Variants in ZMAT3 observed in about 807,000 individuals in gnomAD.
ZMAT3 encodes the protein zinc finger matrin-type 3, also known as zinc finger matrin-type protein 3.
ZMAT3 carries 17 observed loss-of-function variants against 32.3 expected under a neutral mutation model. The ratio of observed to expected loss-of-function variants is 0.53; its 90% CI spans 0.36 to 0.79. ZMAT3 has a LOEUF of 0.79. ZMAT3 is among the 30% of genes least tolerant of loss of function. The pLI is 0.00. For synonymous variants in ZMAT3, 120 were observed against 133.1 expected (o/e 0.90, Z 0.68); for missense variants, 329 against 359.7 (o/e 0.91, Z 0.69).
rs886659882 is a variant in ZMAT3 at position 179,024,413 on chromosome 3, T to G, written c.*604A>C. Reference sequence around the variant, plus strand: ...AATCTCTGCTGACCTATTTTTACTTTGATCTAAAAAGAATTCAATACAATT... The same window carrying G: ...AATCTCTGCTGACCTATTTTTACTTGGATCTAAAAAGAATTCAATACAATT... On this transcript the variant is annotated 3_prime_UTR_variant, in exon 6 of 6. Coordinates refer to ENST00000311417, the MANE Select transcript of ZMAT3 (RefSeq NM_022470.4). 1 of 152,268 alleles carries G rather than the reference T, an allele frequency of 6.6e-6. No homozygotes were observed. The highest frequency in any genetic ancestry group is 6.5e-5 in the Admixed American group (1 of 15,308). The allele number at this position is 152,268 out of a possible 1,614,324, so 9.4% of individuals were successfully genotyped here. A position where few individuals can be genotyped will look rare whatever the true frequency, so the allele number is the denominator to read the frequency against.
At position 179,023,726 on chromosome 3, in the gene ZMAT3, T is replaced by A. The variant is rs1487927851; in HGVS notation, c.*1291A>T. On this transcript the variant is annotated 3_prime_UTR_variant, in exon 6 of 6. Transcript: ENST00000311417. ...TATATATATATTTTTTTTTTTTTTT[T>A]TTTTTTTTTTTTGAGACGGAGTCTC... is the stretch of plus-strand genomic sequence containing the variant. 5 of 26,810 alleles carry A rather than the reference T, an allele frequency of 1.9e-4. 1 individual carries two copies. 1.7% of individuals were successfully genotyped at this position (26,810 alleles called of 1,614,324 possible).
chr3:179,039,857 AGAATAAACACT>A (rs1405303903), intron 2 of ZMAT3, among the ~76,000 whole-genome samples: 1 of 152,220 alleles, frequency 6.6e-6, no homozygotes, highest in Non-Finnish European at 1.5e-5. Flanking sequence ...ATGGCTAACT[AGAATAAACACT>A]GTAGAGAAGA....
chr3:179,048,588 T>G (rs1319104554), intron 2 of ZMAT3, among the ~76,000 whole-genome samples: 1 of 152,222 alleles, frequency 6.6e-6, no homozygotes, highest in Non-Finnish European at 1.5e-5. Flanking sequence ...GGAAAGATAC[T>G]GTCTTTGTCA....
intron 2 of ZMAT3, among the ~76,000 whole-genome samples, chr3:179,060,602 C>T (rs1721105987): frequency 6.6e-6 from 1 of 152,088 alleles, no homozygotes; most frequent in African/African-American, 2.4e-5. Context: ...TGAGACTACA[C>T]CACTGCCCTC....
At chr3:179,069,682 T>C (rs1222875555) in intron 1 of ZMAT3, among the ~76,000 whole-genome samples, 1 of 152,062 alleles carries the variant, frequency 6.6e-6, no homozygotes, top group African/African-American at 2.4e-5. Flanking sequence ...CAGACGAAAT[T>C]TGGGGTGGGG....
intron 2 of ZMAT3, among the ~76,000 whole-genome samples, chr3:179,057,678 T>C (rs1720918846): frequency 6.6e-6 from 1 of 152,218 alleles, no homozygotes; most frequent in South Asian, 2.1e-4. Flanking sequence ...GCAGGTTAAA[T>C]ACTTACGGCT....
At chr3:179,069,950 G>A (rs1721625465) in intron 1 of ZMAT3, among the ~76,000 whole-genome samples, 1 of 152,170 alleles carries the variant, frequency 6.6e-6, no homozygotes, top group South Asian at 2.1e-4. Context: ...AGCAAAGATA[G>A]TCCAGAAAGC....
chr3:179,055,860 T>G (rs550960460), intron 2 of ZMAT3, among the ~76,000 whole-genome samples: 1 of 152,266 alleles, frequency 6.6e-6, no homozygotes, highest in South Asian at 2.1e-4. Context: ...GGTATCTCAG[T>G]CAGGTCAACA....
chr3:179,042,009 C>T (rs915441962), intron 2 of ZMAT3, among the ~76,000 whole-genome samples: 1 of 152,184 alleles, frequency 6.6e-6, no homozygotes, highest in Non-Finnish European at 1.5e-5. Context: ...CTCCTGGGCA[C>T]ATACACCCTC....
intron 2 of ZMAT3, among the ~76,000 whole-genome samples, chr3:179,061,886 T>C (rs1179733669): frequency 6.6e-6 from 1 of 152,054 alleles, no homozygotes; most frequent in Non-Finnish European, 1.5e-5. Flanking sequence ...AAATAGAGCA[T>C]GGAAAACTTA....
chr3:179,033,988 C>T (rs1719443222), intron 2 of ZMAT3, among the ~76,000 whole-genome samples: 2 of 152,212 alleles, frequency 1.3e-5, no homozygotes, highest in African/African-American at 2.4e-5. Flanking sequence ...CCTCTACTAA[C>T]ATCAACTTGC....
At chr3:179,066,339 A>G (rs796640491) in intron 2 of ZMAT3, among the ~76,000 whole-genome samples, 50 of 152,332 alleles carry the variant, frequency 3.3e-4, no homozygotes, top group African/African-American at 1.2e-3. Flanking sequence ...AAACAAAACC[A>G]CATAATGGGA....
At position 179,023,696 on chromosome 3, in the gene ZMAT3, C is replaced by CTATATATATATATATA. The variant is rs1177829489; in HGVS notation, c.*1320_*1321insTATATATATATATATA. ...TCCTAAAAACTGCTGGAAAATATAT[C>CTATATATATATATATA]TATATATATATATATTTTTTTTTTT... On this transcript the variant is annotated 3_prime_UTR_variant, in exon 6 of 6. Coordinates refer to ENST00000311417, the MANE Select transcript of ZMAT3 (RefSeq NM_022470.4). 2 of 27,384 alleles carry CTATATATATATATATA rather than the reference C, an allele frequency of 7.3e-5. No individual in the cohort carries two copies. Among genetic ancestry groups the CTATATATATATATATA allele is most frequent in the African/African-American group, 3.3e-4 (2 of 5,978 alleles). The allele number at this position is 27,384 out of a possible 1,614,324, so 1.7% of individuals were successfully genotyped here. A position where few individuals can be genotyped will look rare whatever the true frequency, so the allele number is the denominator to read the frequency against.
At position 179,046,700 on chromosome 3, in the gene ZMAT3, T is replaced by C. The variant is rs1398363221; in HGVS notation, c.271-15701A>G. Among the ~76,000 whole-genome samples the C allele has an allele frequency of 6.6e-6, 1 of 152,174 alleles. No homozygotes were observed. Among genetic ancestry groups the C allele is most frequent in the Non-Finnish European group, 1.5e-5 (1 of 68,018 alleles). The stretch of plus-strand genomic sequence containing the variant: ...AAGACCAGCCTTTAGGGCTGGGGGA[T>C]GCATGGGAGCTGGGTGAGGCCTGTA... On this transcript the variant is annotated intron_variant, in intron 2 of 5. Coordinates refer to ENST00000311417, the MANE Select transcript of ZMAT3 (RefSeq NM_022470.4). The surrounding 1 kb of genome is among the most constrained non-coding windows in gnomAD (Gnocchi z 4.3).
In ZMAT3 at chr3:179,017,605, T is replaced by C. The variant is rs1166642579; in HGVS notation, c.*7412A>G. 3 of 152,122 alleles carry C rather than the reference T, an allele frequency of 2.0e-5. No homozygotes were observed. Among genetic ancestry groups the C allele is most frequent in the Non-Finnish European group, 4.4e-5 (3 of 68,002 alleles). The allele number at this position is 152,122 out of a possible 1,614,324, so 9.4% of individuals were successfully genotyped here. A position where few individuals can be genotyped will look rare whatever the true frequency, so the allele number is the denominator to read the frequency against. On this transcript the variant is annotated 3_prime_UTR_variant, in exon 6 of 6. Coordinates refer to ENST00000311417, the MANE Select transcript of ZMAT3 (RefSeq NM_022470.4). ...AATAAACAACCCTAATTACACACAG[T>C]TTGGGCTGACATTTTTTAGCTATAT...
intron 2 of ZMAT3, among the ~76,000 whole-genome samples, chr3:179,039,656 A>G (rs1220532827): frequency 6.6e-6 from 1 of 152,210 alleles, no homozygotes; most frequent in Non-Finnish European, 1.5e-5. Flanking sequence ...AAATTCTAAA[A>G]ATCAGAGTGC....
chr3:179,063,203 TG>T (rs1721239513), intron 2 of ZMAT3, among the ~76,000 whole-genome samples: 2 of 152,214 alleles, frequency 1.3e-5, no homozygotes, highest in South Asian at 2.1e-4. Flanking sequence ...CAAGTCCATT[TG>T]GAAAAAAATC....
At chr3:179,049,416 C>A (rs1720420939) in intron 2 of ZMAT3, among the ~76,000 whole-genome samples, 1 of 152,104 alleles carries the variant, frequency 6.6e-6, no homozygotes. Flanking sequence ...CATATGATAG[C>A]CACAAAACAA....
intron 2 of ZMAT3, among the ~76,000 whole-genome samples, chr3:179,040,143 G>C (rs1256880672): frequency 6.6e-6 from 1 of 152,220 alleles, no homozygotes; most frequent in East Asian, 1.9e-4. Flanking sequence ...ATGGAACCAA[G>C]TTGGAAAACA....
Sources: allele counts gnomAD v4.1 joint callset (sites outside exome capture counted in the v4.1 genomes callset), GRCh38; gene constraint gnomAD v4.1.1; non-coding constraint Gnocchi (gnomAD v3.1); transcripts MANE v1.5; gene names NCBI Gene and HGNC (gene_info 2026-07-23, HGNC 2026-07-21).